Variants in SNAP91 observed in about 807,000 individuals in gnomAD.
SNAP91 encodes the protein synaptosome associated protein 91.
In SNAP91, 27 loss-of-function variants were observed where a neutral mutation model predicts 100.3. The observed-to-expected ratio is 0.27, with a 90% CI of 0.20 to 0.37. The LOEUF (loss-of-function observed/expected upper bound fraction) is 0.37, where lower values mean the gene tolerates loss of function less well. Ranked by LOEUF, SNAP91 falls within the 10% of genes least tolerant of loss-of-function variation. The probability of loss-of-function intolerance (pLI) is 1.00; values close to 1 mark genes in which losing one functional copy is unlikely to be tolerated. For missense variants in SNAP91, 986 were observed against 1,123.7 expected (o/e 0.88, Z 1.75); for synonymous variants, 404 against 398.6 (o/e 1.01, Z -0.16).
At chr6:83,563,649 T>C (rs1375390378) in intron 26 of SNAP91, among the ~76,000 whole-genome samples, 1 of 152,204 alleles carries the variant, frequency 6.6e-6, no homozygotes, top group Non-Finnish European at 1.5e-5. Context: ...CTAATAAACA[T>C]GTTCTTCAAA....
chr6:83,582,460 G>A (rs1018230777), intron 22 of SNAP91, 104 bp from the exon 23 acceptor site: 10 of 1,190,898 alleles, frequency 8.4e-6, no homozygotes, highest in South Asian at 1.6e-5. Context: ...GGAATTAATT[G>A]CATGTTGATT....
chr6:83,575,000 T>C lies in SNAP91; in HGVS notation c.2442+10A>G. On this transcript the variant is annotated intron_variant, in intron 26 of 29. Transcript: ENST00000369694. ...TGCCTGCGCTGCCCTGGGCTCTGAT[T>C]GCTACATACCAAAGGTGCACTTGGT... The C allele has an allele frequency of 1.3e-6, 2 of 1,565,472 alleles. No homozygotes were observed. Among genetic ancestry groups the C allele is most frequent in the South Asian group, 1.2e-5 (1 of 86,186 alleles).
At chr6:83,578,662 T>G (rs1823439938) in intron 24 of SNAP91, among the ~76,000 whole-genome samples, 1 of 152,214 alleles carries the variant, frequency 6.6e-6, no homozygotes. Context: ...TGCAAATATT[T>G]TCTCCCATTC....
intron 3 of SNAP91, 29 bp downstream of exon 3, chr6:83,665,410 T>A (rs369727510): frequency 3.7e-6 from 6 of 1,600,326 alleles, no homozygotes; most frequent in African/African-American, 2.7e-5. Flanking sequence ...CCTTCCTCCA[T>A]CAAAAAAAGA....
At chr6:83,578,266 T>G (rs908814825) in intron 24 of SNAP91, among the ~76,000 whole-genome samples, 1 of 152,146 alleles carries the variant, frequency 6.6e-6, no homozygotes. Flanking sequence ...CGATAATCTA[T>G]GTTTAACATT....
chr6:83,619,133 C>T (rs2096614106), intron 9 of SNAP91, among the ~76,000 whole-genome samples: 1 of 151,490 alleles, frequency 6.6e-6, no homozygotes, highest in Non-Finnish European at 1.5e-5. Context: ...ATCACAATAG[C>T]TGAAAGAGAA....
intron 22 of SNAP91, among the ~76,000 whole-genome samples, chr6:83,583,667 T>C (rs1051979347): frequency 1.3e-5 from 2 of 152,314 alleles, no homozygotes; most frequent in African/African-American, 4.8e-5. Context: ...AAAGTTTAAG[T>C]ATATATTCCT....
chr6:83,596,149 G>T, intron 16 of SNAP91, among the ~76,000 whole-genome samples: 1 of 152,142 alleles, frequency 6.6e-6, no homozygotes, highest in East Asian at 1.9e-4. Context: ...TGAACTACTG[G>T]TCTCAAGTGA....
intron 26 of SNAP91, 59 bp from the exon 27 acceptor site, chr6:83,561,006 C>A (rs558871834): frequency 9.3e-7 from 1 of 1,079,636 alleles, no homozygotes; most frequent in Non-Finnish European, 1.3e-6. Context: ...AACACATGCA[C>A]GACAATAAAC....
intron 8 of SNAP91, among the ~76,000 whole-genome samples, chr6:83,635,281 T>A (rs2097385132): frequency 6.6e-6 from 1 of 152,212 alleles, no homozygotes; most frequent in African/African-American, 2.4e-5. Flanking sequence ...TGTCTTTTAT[T>A]AGGTCAAGAA....
intron 22 of SNAP91, among the ~76,000 whole-genome samples, chr6:83,586,327 G>C (rs1036708540): frequency 6.6e-6 from 1 of 152,126 alleles, no homozygotes; most frequent in African/African-American, 2.4e-5. Context: ...CAATTAATGT[G>C]GTTAAGAGAA....
At chr6:83,607,211 GT>G (rs1283101911) in intron 13 of SNAP91, among the ~76,000 whole-genome samples, 1 of 152,048 alleles carries the variant, frequency 6.6e-6, no homozygotes, top group Non-Finnish European at 1.5e-5. Context: ...TCTCACTACT[GT>G]TCTGATCTGT....
rs1174619796 is a variant in SNAP91, at chr6:83,553,976, C to T, written c.*320G>A. ...AGACGTCTTTCCAAATAGCTCGCCACACAACAGCTGCATCATCTGTCCTCA... is the reference window on the plus strand; with the variant it reads ...AGACGTCTTTCCAAATAGCTCGCCATACAACAGCTGCATCATCTGTCCTCA... On this transcript the variant is annotated 3_prime_UTR_variant, in exon 30 of 30. Coordinates refer to ENST00000369694, the MANE Select transcript of SNAP91 (RefSeq NM_001242792.2). 6.5e-6 allele frequency: 1 copy of T among 152,790 alleles called. No homozygotes were observed. Among genetic ancestry groups the T allele is most frequent in the Admixed American group, 6.6e-5 (1 of 15,262 alleles). The allele number at this position is 152,790 out of a possible 1,614,324, so 9.5% of individuals were successfully genotyped here. A position where few individuals can be genotyped will look rare whatever the true frequency, so the allele number is the denominator to read the frequency against.
At chr6:83,673,289 T>A (rs991737813) in intron 2 of SNAP91, among the ~76,000 whole-genome samples, 6 of 152,104 alleles carry the variant, frequency 3.9e-5, no homozygotes, top group Non-Finnish European at 5.9e-5. Context: ...GATTATGTCA[T>A]GAGAGTAGAG....
In SNAP91 at chr6:83,559,999, T is replaced by C. The variant is rs1369183588; in HGVS notation, c.2631+105A>G. ...CTCCCTTTACTTCTGAAGCAACAGG[T>C]ATGAGGATTACATTAGGTAAAAACA... On this transcript the variant is annotated intron_variant, in intron 28 of 29. Coordinates refer to ENST00000369694, the MANE Select transcript of SNAP91 (RefSeq NM_001242792.2). 3 of 902,952 alleles carry C rather than the reference T, an allele frequency of 3.3e-6. No homozygotes were observed. The African/African-American group carries it at 4.9e-5, about 15-fold the overall frequency. The allele number at this position is 902,952 out of a possible 1,614,324, so 55.9% of individuals were successfully genotyped here. A position where few individuals can be genotyped will look rare whatever the true frequency, so the allele number is the denominator to read the frequency against.
chr6:83,574,231 G>A (rs1004226685), intron 26 of SNAP91, among the ~76,000 whole-genome samples: 9 of 152,156 alleles, frequency 5.9e-5, no homozygotes, highest in African/African-American at 2.2e-4. Context: ...ACAGTGATTA[G>A]CTTAGTTTTG....
intron 2 of SNAP91, among the ~76,000 whole-genome samples, chr6:83,698,927 T>C (rs2099257515): frequency 6.6e-6 from 1 of 152,220 alleles, no homozygotes; most frequent in Non-Finnish European, 1.5e-5. Context: ...CTATATATGG[T>C]CAACTTTTCC....
chr6:83,672,780 A>T (rs1245038058), intron 2 of SNAP91, among the ~76,000 whole-genome samples: 2 of 152,212 alleles, frequency 1.3e-5, no homozygotes, highest in Non-Finnish European at 2.9e-5. Context: ...TCAACAAATT[A>T]GAAAGAGTTA....
rs2096523894 is a variant in SNAP91 at position 83,617,015 on chromosome 6, G to A, written c.832C>T (p.Leu278Phe). The change falls in exon 10 of 30, where the codon CTT becomes TTT. Residue 278 changes from leucine (L) to phenylalanine (F), a missense_variant. Physicochemically the swap from Leu to Phe is conservative, Grantham distance 22. Coordinates refer to ENST00000369694, the MANE Select transcript of SNAP91 (RefSeq NM_001242792.2). Reference protein sequence around the residue: ...TQAPSSLMETLEQHLNTLEGK... With the variant: ...TQAPSSLMETFEQHLNTLEGK... ...TCTAATGTATTTAGATGCTGTTCAA[G>A]CGTCTCCATAAGACTGCTGGGAGCC... The A allele has an allele frequency of 6.5e-7, 1 of 1,547,838 alleles. No homozygotes were observed. The highest frequency in any genetic ancestry group is 2.0e-5 in the Admixed American group (1 of 50,772).
Sources: allele counts gnomAD v4.1 joint callset (sites outside exome capture counted in the v4.1 genomes callset), GRCh38; gene constraint gnomAD v4.1.1; transcripts MANE v1.5; gene names NCBI Gene and HGNC (gene_info 2026-07-23, HGNC 2026-07-21).